The following PKHD1L1 variants were observed in gnomAD, a reference collection of about 807,000 sequenced individuals.
PKHD1L1 encodes fibrocystin-L.
In PKHD1L1, 434 loss-of-function variants were observed where a neutral mutation model predicts 462.9. The ratio of observed to expected loss-of-function variants is 0.94; its 90% CI spans 0.87 to 1.02. The LOEUF (loss-of-function observed/expected upper bound fraction) is 1.02. PKHD1L1 is among the 50% of genes least tolerant of loss of function. The pLI is 0.00. For synonymous variants in PKHD1L1, 1,781 were observed against 1,750.0 expected (o/e 1.02, Z -0.44); for missense variants, 5,202 against 5,096.1 (o/e 1.02, Z -0.63).
At chr8:109,392,636 T>A (rs1338419841) in intron 9 of PKHD1L1, among the ~76,000 whole-genome samples, 1 of 152,072 alleles carries the variant, frequency 6.6e-6, no homozygotes, top group Non-Finnish European at 1.5e-5. Flanking sequence ...ATCCTAGTTT[T>A]AAGATTACAT....
At chr8:109,503,272 C>CCAGCCTGGTCTACAGAGACT (rs369687574) in intron 67 of PKHD1L1, among the ~76,000 whole-genome samples, 2 of 151,982 alleles carry the variant, frequency 1.3e-5, no homozygotes, top group Non-Finnish European at 2.9e-5. Flanking sequence ...ACCACTGGAC[C>CCAGCCTGGTCTACAGAGACT]CCATCTCAAA....
At chr8:109,469,471 C>T (rs1817611686) in intron 50 of PKHD1L1, among the ~76,000 whole-genome samples, 1 of 152,072 alleles carries the variant, frequency 6.6e-6, no homozygotes, top group Non-Finnish European at 1.5e-5. Flanking sequence ...TTCTCCTTCC[C>T]TCTCTTCTCT....
Position 109,508,248 on chromosome 8 carries a change from T to A in PKHD1L1, c.11379T>A (p.Tyr3793Ter). The stretch of plus-strand genomic sequence containing the variant: ...CAGTGGCTATAATGGGCAACGGTTA[T>A]GTTGATCTTATTAATGGTAGGTATT... ...LSPVAIMGNG[Y>*]VDLINGPQDH... The change falls in exon 70 of 78, where the codon TAT becomes TAA. Residue 3793 changes from tyrosine (Y) to a stop codon, truncating the protein, a stop_gained. Transcript: ENST00000378402. LOFTEE classifies it high-confidence loss of function. 1 of 1,606,390 alleles carries A rather than the reference T, an allele frequency of 6.2e-7. No individual in the cohort carries two copies. The highest frequency in any genetic ancestry group is 1.3e-5 in the African/African-American group (1 of 74,614).
intron 36 of PKHD1L1, 84 bp from the exon 37 acceptor site, chr8:109,443,592 C>A: frequency 1.8e-6 from 2 of 1,086,918 alleles, no homozygotes; most frequent in Non-Finnish European, 2.6e-6. Context: ...CCATCATCAT[C>A]AAAATAAAGA....
chr8:109,381,368 AG>A lies in PKHD1L1; in HGVS notation c.164del. ...AATAATTAAGTCTTCTTACTTTTCC[AG>A]GTTTTTCTCAAGCAAACCAGTTTAA... On this transcript the variant is annotated splice_acceptor_variant, in intron 2 of 77. Coordinates refer to ENST00000378402, the MANE Select transcript of PKHD1L1 (RefSeq NM_177531.6). LOFTEE classifies it high-confidence loss of function. 6.4e-7 allele frequency: 1 copy of A among 1,562,862 alleles called. No individual in the cohort carries two copies. The highest frequency in any genetic ancestry group is 8.7e-7 in the Non-Finnish European group (1 of 1,151,932).
At chr8:109,370,067 A>G (rs549390768) in intron 2 of PKHD1L1, among the ~76,000 whole-genome samples, 2 of 152,312 alleles carry the variant, frequency 1.3e-5, no homozygotes, top group Non-Finnish European at 2.9e-5. Flanking sequence ...GAGGAAGGCT[A>G]CAGCCTGGGT....
At chr8:109,400,613 T>C (rs1224147393) in intron 13 of PKHD1L1, among the ~76,000 whole-genome samples, 9 of 152,194 alleles carry the variant, frequency 5.9e-5, no homozygotes, top group African/African-American at 1.9e-4. Context: ...CTCTATTTTT[T>C]ATAAATAGAA....
rs191801886 is a variant in PKHD1L1, at chr8:109,376,364, G to A, written c.164-5006G>A. Among the ~76,000 whole-genome samples the A allele has an allele frequency of 1.8e-3, 274 of 152,318 alleles. 3 individuals are homozygous for A. The East Asian group carries it at 0.043, about 24-fold the overall frequency. ...CCCGTTGGCAAAGCACAGTATTAGG[G>A]TGGGAGTGACCTGATTTTCCAGGTG... is the stretch of plus-strand genomic sequence containing the variant. On this transcript the variant is annotated intron_variant, in intron 2 of 77. Transcript: ENST00000378402.
chr8:109,425,312 C>T (rs1814687518), intron 24 of PKHD1L1, 80 bp downstream of exon 24: 2 of 1,092,220 alleles, frequency 1.8e-6, no homozygotes, highest in Non-Finnish European at 1.2e-6. Context: ...TTTTGTTTAA[C>T]TTGAGAATTA....
At chr8:109,526,366 A>G (rs1452115188) in intron 76 of PKHD1L1, among the ~76,000 whole-genome samples, 1 of 152,222 alleles carries the variant, frequency 6.6e-6, no homozygotes, top group East Asian at 1.9e-4. Context: ...TAAAAAGTTC[A>G]GTATCCAACC....
Position 109,470,320 on chromosome 8 carries a change from G to A in PKHD1L1, c.8605+3551G>A. The A allele has an allele frequency of 3.3e-6, 5 of 1,494,090 alleles. No individual in the cohort carries two copies. The East Asian group carries it at 1.1e-4, about 34-fold the overall frequency. 92.6% of individuals were successfully genotyped at this position (1,494,090 alleles called of 1,614,324 possible). A position where few individuals can be genotyped will look rare whatever the true frequency, so the allele number is the denominator to read the frequency against. The stretch of plus-strand genomic sequence containing the variant: ...CAAAACGAGGTCATCATCATATTTA[G>A]ATAACTTAGTTTGGAGAGAGAGTGA... On this transcript the variant is annotated intron_variant, in intron 50 of 77. Transcript: ENST00000378402.
At chr8:109,439,204 T>C in intron 32 of PKHD1L1, 112 bp downstream of exon 32, 3 of 947,224 alleles carry the variant, frequency 3.2e-6, no homozygotes, top group Non-Finnish European at 4.7e-6. Context: ...TCTCTTTACC[T>C]TCCTATATCT....
rs1306214734 is a variant in PKHD1L1, at chr8:109,412,450, G to A, written c.2235+36G>A. The A allele has an allele frequency of 2.6e-6, 4 of 1,525,242 alleles. No individual in the cohort carries two copies. In the East Asian group the frequency reaches 6.9e-5, roughly 26 times the overall value. The allele number at this position is 1,525,242 out of a possible 1,614,324, so 94.5% of individuals were successfully genotyped here. Reference sequence around the variant, plus strand: ...CAAAATGATATGCTAATTGAATCTGGAAAATACCTTGGTAATAAAATTTCA... The same window carrying A: ...CAAAATGATATGCTAATTGAATCTGAAAAATACCTTGGTAATAAAATTTCA... On this transcript the variant is annotated intron_variant, in intron 20 of 77. Coordinates refer to ENST00000378402, the MANE Select transcript of PKHD1L1 (RefSeq NM_177531.6).
chr8:109,530,030 T>C (rs1820993986), intron 77 of PKHD1L1, 50 bp from the exon 78 acceptor site: 2 of 1,101,240 alleles, frequency 1.8e-6, no homozygotes, highest in Non-Finnish European at 2.5e-6. Context: ...TAAATTATAC[T>C]ATATGCTATT....
intron 67 of PKHD1L1, among the ~76,000 whole-genome samples, chr8:109,501,523 T>C (rs1255818811): frequency 1.3e-5 from 2 of 152,226 alleles, no homozygotes; most frequent in African/African-American, 4.8e-5. Context: ...TCGCCAACTT[T>C]AATTTAAGTA....
intron 14 of PKHD1L1, 58 bp from the exon 15 acceptor site, chr8:109,404,496 A>G (rs1056011619): frequency 1.9e-6 from 2 of 1,056,074 alleles, no homozygotes; most frequent in Non-Finnish European, 2.6e-6. Flanking sequence ...TCATTAAAAT[A>G]ATTTCATGGC....
chr8:109,407,960 G>A, intron 17 of PKHD1L1, 89 bp from the exon 18 acceptor site: 1 of 878,486 alleles, frequency 1.1e-6, no homozygotes, highest in Non-Finnish European at 1.5e-6. Flanking sequence ...ACATTTGAGT[G>A]TCTATTAAAT....
chr8:109,427,785 G>A (rs1457379294), intron 25 of PKHD1L1, among the ~76,000 whole-genome samples: 1 of 151,924 alleles, frequency 6.6e-6, no homozygotes, highest in African/African-American at 2.4e-5. Context: ...CAGCATTTTG[G>A]GAGGCTGAGG....
chr8:109,429,254 T>C, intron 25 of PKHD1L1, 86 bp from the exon 26 acceptor site: 2 of 1,163,708 alleles, frequency 1.7e-6, no homozygotes, highest in South Asian at 3.2e-5. Flanking sequence ...TTATTCACCT[T>C]TGCCTATGCT....
Sources: allele counts gnomAD v4.1 joint callset (sites outside exome capture counted in the v4.1 genomes callset), GRCh38; gene constraint gnomAD v4.1.1; transcripts MANE v1.5; gene names NCBI Gene and HGNC (gene_info 2026-07-23, HGNC 2026-07-21).